SLC4A4: variants seen among roughly 807,000 people sequenced by gnomAD.
SLC4A4 encodes the protein electrogenic sodium bicarbonate cotransporter 1.
In SLC4A4, 27 loss-of-function variants were observed where a neutral mutation model predicts 111.5. The ratio of observed to expected loss-of-function variants is 0.24; its 90% CI spans 0.18 to 0.33. The LOEUF is 0.33. Among genes scored for constraint, SLC4A4 ranks in the 10% least tolerant of loss-of-function variants. The pLI is 1.00. For synonymous variants in SLC4A4, 443 were observed against 463.4 expected, an observed-to-expected ratio of 0.96 and a Z score of 0.57; for missense variants, 909 against 1,315.5, an observed-to-expected ratio of 0.69 and a Z score of 4.78.
rs75619692 is a variant in SLC4A4, at chr4:71,256,562, A to G, written c.253+1163A>G. Reference sequence around the variant, plus strand: ...GGATCATGAAATCTAAATTAAAAGCATTGAAATAAATTTAAGACTTAGAAG... The same window carrying G: ...GGATCATGAAATCTAAATTAAAAGCGTTGAAATAAATTTAAGACTTAGAAG... On this transcript the variant is annotated intron_variant, in intron 3 of 25. Transcript: ENST00000264485. Among the ~76,000 whole-genome samples, 112 of 152,280 alleles carry G rather than the reference A, an allele frequency of 7.4e-4. 1 individual carries two copies. Among genetic ancestry groups the G allele is most frequent in the African/African-American group, 2.6e-3 (109 of 41,572 alleles).
At chr4:71,343,528 A>G (rs977566628) in intron 4 of SLC4A4, among the ~76,000 whole-genome samples, 1 of 152,216 alleles carries the variant, frequency 6.6e-6, no homozygotes, top group Non-Finnish European at 1.5e-5. Context: ...AGACAATTCC[A>G]TTCTTTTAGT....
chr4:71,477,689 G>A (rs1728493748), intron 14 of SLC4A4, among the ~76,000 whole-genome samples: 1 of 151,736 alleles, frequency 6.6e-6, no homozygotes, highest in African/African-American at 2.4e-5. Context: ...TTATTCAAAA[G>A]CATAAATACT....
chr4:71,332,976 T>C (rs922370403), intron 3 of SLC4A4, among the ~76,000 whole-genome samples: 1 of 152,256 alleles, frequency 6.6e-6, no homozygotes, highest in Non-Finnish European at 1.5e-5. Flanking sequence ...GAATTCTCTG[T>C]CTGAAAGGTC....
chr4:71,486,353 G>A (rs1170304794), intron 14 of SLC4A4, among the ~76,000 whole-genome samples: 1 of 151,356 alleles, frequency 6.6e-6, no homozygotes, highest in Non-Finnish European at 1.5e-5. Context: ...TCTTCTTCAA[G>A]TGCCATCTTC....
At chr4:71,226,005 T>C (rs1719026668) in intron 1 of SLC4A4, among the ~76,000 whole-genome samples, 1 of 152,252 alleles carries the variant, frequency 6.6e-6, no homozygotes, top group African/African-American at 2.4e-5. Context: ...ATCCTAATTT[T>C]ATTTGCAGGT....
intron 24 of SLC4A4, among the ~76,000 whole-genome samples, chr4:71,564,342 A>G (rs775958857): frequency 1.4e-4 from 22 of 151,840 alleles, no homozygotes; most frequent in Non-Finnish European, 2.8e-4. Context: ...GAGAATTTGG[A>G]AAAATTTAAT....
intron 3 of SLC4A4, among the ~76,000 whole-genome samples, chr4:71,298,491 A>C (rs976835969): frequency 6.6e-6 from 1 of 152,220 alleles, no homozygotes; most frequent in South Asian, 2.1e-4. Flanking sequence ...TAAAAGTAAA[A>C]TTTATCAATT....
At chr4:71,295,079 AT>A (rs1724672415) in intron 3 of SLC4A4, among the ~76,000 whole-genome samples, 1 of 152,202 alleles carries the variant, frequency 6.6e-6, no homozygotes, top group African/African-American at 2.4e-5. Flanking sequence ...ATTGGGGGAA[AT>A]TAACAATTTC....
At chr4:71,424,802 G>A (rs1722949549) in intron 7 of SLC4A4, among the ~76,000 whole-genome samples, 1 of 151,976 alleles carries the variant, frequency 6.6e-6, no homozygotes, top group Non-Finnish European at 1.5e-5. Flanking sequence ...GAGAACACGT[G>A]GACACAGGAA....
At chr4:71,136,882 C>A (rs534593511) in intron 2 of SLC4A4, among the ~76,000 whole-genome samples, 1 of 152,176 alleles carries the variant, frequency 6.6e-6, no homozygotes, top group Non-Finnish European at 1.5e-5. Context: ...GCTTTACATA[C>A]AAAGAGGCTG....
At chr4:71,547,465 AT>A (rs950834982) in intron 19 of SLC4A4, among the ~76,000 whole-genome samples, 182 bp from the exon 20 acceptor site, 5 of 152,018 alleles carry the variant, frequency 3.3e-5, no homozygotes, top group Non-Finnish European at 5.9e-5. Flanking sequence ...ACTTTAAGAG[AT>A]TTTTTTATAG....
At chr4:71,178,840 C>T (rs1745186406) in intron 2 of SLC4A4, among the ~76,000 whole-genome samples, 1 of 152,178 alleles carries the variant, frequency 6.6e-6, no homozygotes, top group South Asian at 2.1e-4. Flanking sequence ...GGGAATCCTC[C>T]CTAACTCATT....
intron 6 of SLC4A4, among the ~76,000 whole-genome samples, chr4:71,386,447 A>C (rs1331429888): frequency 1.3e-5 from 2 of 151,842 alleles, no homozygotes; most frequent in Non-Finnish European, 2.9e-5. Context: ...GCTTAGTAGA[A>C]CTCCTAATAA....
chr4:71,133,808 G>A (rs539798763), intron 2 of SLC4A4, among the ~76,000 whole-genome samples: 13 of 152,264 alleles, frequency 8.5e-5, no homozygotes, highest in Middle Eastern at 3.4e-3. Flanking sequence ...TGGCACCCCC[G>A]TTGCTCAAAG....
chr4:71,360,318 A>G (rs1279792029), intron 6 of SLC4A4, among the ~76,000 whole-genome samples: 1 of 152,204 alleles, frequency 6.6e-6, no homozygotes. Flanking sequence ...AGCAAATGCT[A>G]TAAATCAGGG....
At chr4:71,198,941 A>G (rs921204079) in intron 1 of SLC4A4, among the ~76,000 whole-genome samples, 7 of 152,256 alleles carry the variant, frequency 4.6e-5, no homozygotes, top group Admixed American at 2.0e-4. Context: ...TAACAGGAGA[A>G]GGTCCAGAGC....
At chr4:71,516,080 CTTTTTTTTTTTTTTTTT>C (rs60338885) in intron 16 of SLC4A4, among the ~76,000 whole-genome samples, 4 of 30,614 alleles carry the variant, frequency 1.3e-4, no homozygotes, top group East Asian at 1.2e-3. Context: ...TGGGGGATTT[CTTTTTTTTTTTTTTTTT>C]TTTTTTTTTT....
chr4:71,400,454 A>C (rs1365783273), intron 7 of SLC4A4, among the ~76,000 whole-genome samples: 1 of 152,196 alleles, frequency 6.6e-6, no homozygotes, highest in Non-Finnish European at 1.5e-5. Context: ...GAAGCGAGGA[A>C]AATTTAATTC....
chr4:71,338,904 G>A (rs1274310454), intron 3 of SLC4A4: 1 of 392,348 alleles, frequency 2.5e-6, no homozygotes, highest in Non-Finnish European at 4.3e-6. Flanking sequence ...TGAGCTTTAG[G>A]CATTGGACAG....
Sources: gnomAD v4.1 joint callset for allele counts (sites outside exome capture counted in the v4.1 genomes callset) on GRCh38, gnomAD v4.1.1 for gene constraint, MANE v1.5 for transcripts, NCBI Gene and HGNC (gene_info 2026-07-23, HGNC 2026-07-21) for gene names.